The following UBE2N variants were observed in gnomAD, a reference collection of about 807,000 sequenced individuals.
The protein encoded by UBE2N is ubiquitin-conjugating enzyme E2 N.
For synonymous variants in UBE2N, 70 were observed against 69.2 expected (o/e 1.01, Z -0.06); for missense variants, 60 against 192.1 (o/e 0.31, Z 4.07).
At chr12:93,413,148 A>G (rs774556880) in intron 1 of UBE2N, among the ~76,000 whole-genome samples, 6 of 152,232 alleles carry the variant, frequency 3.9e-5, no homozygotes, top group Non-Finnish European at 8.8e-5. Flanking sequence ...AGGTTAAATC[A>G]AATGTCCAGT....
rs199707859 is a variant in UBE2N, at chr12:93,435,666, C to CA, written c.30+6188dup. Among the ~76,000 whole-genome samples the CA allele has an allele frequency of 3.3e-3, 494 of 150,680 alleles. 3 individuals are homozygous for CA. Among genetic ancestry groups the CA allele is most frequent in the East Asian group, 0.024 (121 of 5,146 alleles). The stretch of plus-strand genomic sequence containing the variant: ...TGAGTTTTCTAAATCACTTTTCTTA[C>CA]AAAAAAAAATACCTTATGCACTAGA... On this transcript the variant is annotated intron_variant, in intron 1 of 3. Coordinates refer to ENST00000318066, the MANE Select transcript of UBE2N (RefSeq NM_003348.4).
At chr12:93,429,947 T>C (rs1878708837) in intron 1 of UBE2N, among the ~76,000 whole-genome samples, 1 of 152,184 alleles carries the variant, frequency 6.6e-6, no homozygotes. Context: ...AGGCTTATTA[T>C]TGAAGAAACA....
chr12:93,440,616 A>G (rs1181171166), intron 1 of UBE2N, among the ~76,000 whole-genome samples: 2 of 152,206 alleles, frequency 1.3e-5, no homozygotes, highest in Non-Finnish European at 2.9e-5. Context: ...ATTTCACAAG[A>G]ATGAGCAAGA....
chr12:93,435,990 T>G (rs1269218438), intron 1 of UBE2N, among the ~76,000 whole-genome samples: 1 of 152,206 alleles, frequency 6.6e-6, no homozygotes, highest in Non-Finnish European at 1.5e-5. Flanking sequence ...TGCGAAAGAC[T>G]GGTAAAATTC....
chr12:93,436,816 G>A (rs1365859390), intron 1 of UBE2N, among the ~76,000 whole-genome samples: 2 of 152,132 alleles, frequency 1.3e-5, no homozygotes, highest in African/African-American at 2.4e-5. Flanking sequence ...GCAGAAAAAC[G>A]AAACTAAAGA....
chr12:93,416,857 CAAAAAAAAA>C (rs4020452), intron 1 of UBE2N, among the ~76,000 whole-genome samples: 1 of 88,578 alleles, frequency 1.1e-5, no homozygotes, highest in Non-Finnish European at 2.3e-5. Context: ...CCATCACTAC[CAAAAAAAAA>C]AAAAAAAAAA....
intron 3 of UBE2N, 48 bp from the exon 4 acceptor site, chr12:93,410,127 T>G: frequency 6.4e-7 from 1 of 1,572,450 alleles, no homozygotes; most frequent in South Asian, 1.1e-5. Context: ...TAGTTCAATA[T>G]GTTACTTTCC....
intron 1 of UBE2N, among the ~76,000 whole-genome samples, chr12:93,421,958 A>C (rs927107000): frequency 8.5e-5 from 13 of 152,228 alleles, no homozygotes; most frequent in African/African-American, 3.1e-4. Flanking sequence ...GTCTTAAGGT[A>C]CAGGAGGTGT....
chr12:93,438,093 T>C (rs988013618), intron 1 of UBE2N, among the ~76,000 whole-genome samples: 1 of 152,214 alleles, frequency 6.6e-6, no homozygotes, highest in Admixed American at 6.5e-5. Context: ...TATTGCTCAT[T>C]GAGATTAAGG....
chr12:93,440,853 C>CA (rs1879079078), intron 1 of UBE2N, among the ~76,000 whole-genome samples: 1 of 152,150 alleles, frequency 6.6e-6, no homozygotes, highest in Admixed American at 6.5e-5. Flanking sequence ...GTCATGGTTC[C>CA]ATACATACTT....
chr12:93,411,474 C>T (rs1421080438), intron 1 of UBE2N, among the ~76,000 whole-genome samples, 175 bp from the exon 2 acceptor site: 2 of 152,120 alleles, frequency 1.3e-5, no homozygotes, highest in Non-Finnish European at 2.9e-5. Flanking sequence ...TAATTACAAC[C>T]AGCTGAATGA....
chr12:93,441,863 T>G lies in UBE2N; in HGVS notation c.22A>C (p.Ile8Leu). The change falls in exon 1 of 4, where the codon ATC (isoleucine) becomes CTC (leucine). Residue 8 changes from isoleucine to leucine, a missense_variant. Transcript: ENST00000318066. MAGLPRR[I>L]IKETQRLLAE... The stretch of plus-strand genomic sequence containing the variant: ...CCGGCCTGGGCGGTTACCTTGATGA[T>G]CCTGCGGGGCAGCCCGGCCATCTTG... 1 of 1,578,926 alleles carries G rather than the reference T, an allele frequency of 6.3e-7. No homozygotes were observed.
chr12:93,436,141 G>A (rs965980277), intron 1 of UBE2N, among the ~76,000 whole-genome samples: 2 of 151,800 alleles, frequency 1.3e-5, no homozygotes, highest in Non-Finnish European at 2.9e-5. Flanking sequence ...TCACTCTGTC[G>A]CCCAGGCTGG....
At chr12:93,410,499 T>C in intron 3 of UBE2N, 1 of 610,678 alleles carries the variant, frequency 1.6e-6, no homozygotes, top group Non-Finnish European at 2.8e-6. Context: ...CAGTATTTGT[T>C]AAACCAGGTG....
At chr12:93,430,317 C>G (rs1878722670) in intron 1 of UBE2N, among the ~76,000 whole-genome samples, 1 of 152,072 alleles carries the variant, frequency 6.6e-6, no homozygotes, top group African/African-American at 2.4e-5. Context: ...TATAAATATA[C>G]TCTATGATGT....
chr12:93,417,706 TAA>T (rs1255824662), intron 1 of UBE2N, among the ~76,000 whole-genome samples: 1 of 152,128 alleles, frequency 6.6e-6, no homozygotes, highest in Non-Finnish European at 1.5e-5. Flanking sequence ...TACTGAAAAA[TAA>T]GTGTTAAAAA....
intron 1 of UBE2N, among the ~76,000 whole-genome samples, chr12:93,424,087 C>A: frequency 6.6e-6 from 1 of 152,100 alleles, no homozygotes; most frequent in East Asian, 1.9e-4. Flanking sequence ...AAGACAAAAG[C>A]CCTTAAAAAC....
intron 1 of UBE2N, among the ~76,000 whole-genome samples, chr12:93,415,775 GTCCCAATCCACCAC>G (rs1189283354): frequency 6.6e-6 from 1 of 152,076 alleles, no homozygotes; most frequent in Non-Finnish European, 1.5e-5. Flanking sequence ...GGGCCCAAGA[GTCCCAATCCACCAC>G]TCACCAGTTA....
At chr12:93,435,889 T>G (rs1878919062) in intron 1 of UBE2N, among the ~76,000 whole-genome samples, 1 of 151,912 alleles carries the variant, frequency 6.6e-6, no homozygotes, top group South Asian at 2.1e-4. Flanking sequence ...GAGACCCTGT[T>G]TCAAAAAATT....
Sources: gnomAD v4.1 joint callset for allele counts (sites outside exome capture counted in the v4.1 genomes callset) on GRCh38, gnomAD v4.1.1 for gene constraint, MANE v1.5 for transcripts, NCBI Gene and HGNC (gene_info 2026-07-23, HGNC 2026-07-21) for gene names.